Variants in CADM2 observed in about 807,000 individuals in gnomAD.
CADM2 encodes cell adhesion molecule 2.
CADM2 carries 12 observed loss-of-function variants against 49.8 expected under a neutral mutation model. That is an observed-to-expected ratio of 0.24 (90% CI 0.15 to 0.39). CADM2 has a LOEUF of 0.39. Ranked by LOEUF, CADM2 falls within the 10% of genes least tolerant of loss-of-function variation. The pLI is 1.00. For synonymous variants in CADM2, 214 were observed against 175.4 expected, an observed-to-expected ratio of 1.22 and a Z score of -1.74; for missense variants, 378 against 492.3, an observed-to-expected ratio of 0.77 and a Z score of 2.20.
intron 1 of CADM2, among the ~76,000 whole-genome samples, chr3:85,174,479 TTA>T (rs1270358731): frequency 6.6e-6 from 1 of 151,344 alleles, no homozygotes; most frequent in Non-Finnish European, 1.5e-5. Context: ...CTGAAATTTC[TTA>T]TGTTTTCAGC....
chr3:85,332,372 G>A (rs2044952599), intron 1 of CADM2, among the ~76,000 whole-genome samples: 1 of 151,920 alleles, frequency 6.6e-6, no homozygotes, highest in South Asian at 2.1e-4. Context: ...TAATGCATTA[G>A]AGGAATATAT....
At chr3:85,734,389 C>T (rs150310575) in intron 2 of CADM2, among the ~76,000 whole-genome samples, 1 of 151,970 alleles carries the variant, frequency 6.6e-6, no homozygotes, top group East Asian at 1.9e-4. Context: ...ACATGGCACT[C>T]TCAATGCAGG....
chr3:86,039,282 G>T (rs1458743998), intron 8 of CADM2, among the ~76,000 whole-genome samples: 2 of 151,918 alleles, frequency 1.3e-5, no homozygotes, highest in African/African-American at 4.8e-5. Flanking sequence ...TGCCTCACCT[G>T]GGAAGTGAAA....
intron 1 of CADM2, among the ~76,000 whole-genome samples, chr3:85,004,294 T>A (rs572801633): frequency 6.6e-6 from 1 of 152,274 alleles, no homozygotes; most frequent in South Asian, 2.1e-4. Flanking sequence ...ATTCTACACA[T>A]CTGTTCGAGT....
At chr3:85,634,378 G>T (rs184711290) in intron 1 of CADM2, among the ~76,000 whole-genome samples, 1 of 151,966 alleles carries the variant, frequency 6.6e-6, no homozygotes, top group African/African-American at 2.4e-5. Context: ...ACATTGCCTA[G>T]GGACATATTT....
chr3:84,974,859 A>T (rs2031711511), intron 1 of CADM2, among the ~76,000 whole-genome samples: 1 of 151,908 alleles, frequency 6.6e-6, no homozygotes, highest in Admixed American at 6.6e-5. Context: ...AAAACCTCAT[A>T]GTTGGCTTTT....
At position 85,462,225 on chromosome 3, in the gene CADM2, C is replaced by G. The variant is rs184152556; in HGVS notation, c.62-264297C>G. On this transcript the variant is annotated intron_variant, in intron 1 of 9. Transcript: ENST00000383699. ...AGTTGTCAAGCCCCAGAATATCCCC[C>G]CAATATAATTTGAAACATTGTTACT... is the stretch of plus-strand genomic sequence containing the variant. Among the ~76,000 whole-genome samples the G allele has an allele frequency of 2.5e-3, 380 of 152,200 alleles. 18 individuals carry two copies. The South Asian group carries it at 0.076, about 31-fold the overall frequency.
At chr3:84,998,131 C>T (rs2220245) in intron 1 of CADM2, among the ~76,000 whole-genome samples, 12,134 of 152,030 alleles carry the variant, frequency 0.08, 682 homozygotes, top group Admixed American at 0.19. Flanking sequence ...TTGTTTCCCA[C>T]GAGGGTTCAT....
rs557482730 is a variant in CADM2 at position 85,140,698 on chromosome 3, G to A, written c.61+181030G>A. On this transcript the variant is annotated intron_variant, in intron 1 of 9. Coordinates refer to ENST00000383699, the MANE Select transcript of CADM2 (RefSeq NM_001167675.2). ...TAACTTGCTGAAATTCACACATCCC[G>A]TGAATGGAAAGTCATTTGACAGGTA... Among the ~76,000 whole-genome samples the A allele has an allele frequency of 1.2e-4, 18 of 152,246 alleles. No individual in the cohort carries two copies. In the South Asian group the frequency reaches 2.7e-3, roughly 23 times the overall value.
chr3:85,742,429 C>T (rs2068433785), intron 2 of CADM2, among the ~76,000 whole-genome samples: 2 of 152,142 alleles, frequency 1.3e-5, no homozygotes, highest in African/African-American at 4.8e-5. Context: ...GTCTGTCTCT[C>T]CATTATGTCT....
At chr3:85,699,123 T>C in intron 1 of CADM2, among the ~76,000 whole-genome samples, 1 of 152,064 alleles carries the variant, frequency 6.6e-6, no homozygotes, top group East Asian at 1.9e-4. Flanking sequence ...CAAAATAATC[T>C]CCTTTGACTC....
intron 1 of CADM2, among the ~76,000 whole-genome samples, chr3:85,224,351 C>T (rs555535792): frequency 3.3e-5 from 5 of 152,142 alleles, no homozygotes; most frequent in Non-Finnish European, 5.9e-5. Flanking sequence ...TAATGAACAG[C>T]GATGATGAGC....
chr3:85,443,401 C>T (rs1226083131), intron 1 of CADM2, among the ~76,000 whole-genome samples: 1 of 152,086 alleles, frequency 6.6e-6, no homozygotes, highest in Non-Finnish European at 1.5e-5. Flanking sequence ...TGTATAACCT[C>T]ACTATTCTCT....
chr3:84,994,316 T>C (rs1046339078), intron 1 of CADM2, among the ~76,000 whole-genome samples: 2 of 152,204 alleles, frequency 1.3e-5, no homozygotes, highest in African/African-American at 4.8e-5. Flanking sequence ...CAATATTGTA[T>C]GTGTTACGAT....
chr3:85,476,897 A>AACACACACACACACACAC (rs35319709), intron 1 of CADM2, among the ~76,000 whole-genome samples: 1 of 145,910 alleles, frequency 6.9e-6, no homozygotes, highest in African/African-American at 2.5e-5. Context: ...AAAGATTTTA[A>AACACACACACACACACAC]ACACACACAC....
rs36014885 is a variant in CADM2, at chr3:85,552,366, G to GTT, written c.62-174127_62-174126dup. On this transcript the variant is annotated intron_variant, in intron 1 of 9. Coordinates refer to ENST00000383699, the MANE Select transcript of CADM2 (RefSeq NM_001167675.2). ...TAAAATAATTAAATCACTTTGAAAA[G>GTT]TTTTTTTTTTTTTTTTTTTTTTTTT... Among the ~76,000 whole-genome samples, 677 of 87,544 alleles carry GTT rather than the reference G, an allele frequency of 7.7e-3. 45 individuals are homozygous for GTT. Among genetic ancestry groups the GTT allele is most frequent in the African/African-American group, 0.027 (592 of 21,538 alleles). The allele number at this position is 87,544 out of a possible 152,430, so 57.4% of individuals were successfully genotyped here. A position where few individuals can be genotyped will look rare whatever the true frequency, so the allele number is the denominator to read the frequency against.
intron 1 of CADM2, among the ~76,000 whole-genome samples, chr3:84,964,164 A>G (rs189528271): frequency 6.6e-6 from 1 of 152,358 alleles, no homozygotes; most frequent in East Asian, 1.9e-4. Context: ...TCATTAGAAG[A>G]TAAGACATTT....
intron 1 of CADM2, among the ~76,000 whole-genome samples, chr3:84,971,559 G>A (rs2031438435): frequency 6.6e-6 from 1 of 151,286 alleles, no homozygotes; most frequent in South Asian, 2.1e-4. Flanking sequence ...AGAGAGATAA[G>A]AACTGCATAG....
chr3:85,696,965 G>A (rs958997672), intron 1 of CADM2, among the ~76,000 whole-genome samples: 9 of 151,504 alleles, frequency 5.9e-5, no homozygotes, highest in African/African-American at 2.2e-4. Context: ...AAATAGAGCA[G>A]TACTATTTAA....
Sources: allele counts gnomAD v4.1 joint callset (sites outside exome capture counted in the v4.1 genomes callset), GRCh38; gene constraint gnomAD v4.1.1; transcripts MANE v1.5; gene names NCBI Gene and HGNC (gene_info 2026-07-23, HGNC 2026-07-21).